ATP8B3: variants seen among roughly 807,000 people sequenced by gnomAD.
The protein encoded by ATP8B3 is phospholipid-transporting ATPase IK.
ATP8B3 carries 141 observed loss-of-function variants against 140.9 expected under a neutral mutation model. That is an observed-to-expected ratio of 1.00 (90% CI 0.87 to 1.15). ATP8B3 has a LOEUF of 1.15. Among genes scored for constraint, ATP8B3 ranks in the 50% most tolerant of loss-of-function variants. The pLI, the probability that ATP8B3 is intolerant of heterozygous loss-of-function variation, is 0.00. For synonymous variants in ATP8B3, 765 were observed against 714.6 expected (o/e 1.07, Z -1.13); for missense variants, 1,874 against 1,740.6 (o/e 1.08, Z -1.36).
intron 21 of ATP8B3, 25 bp downstream of exon 21, chr19:1,790,732 C>A (rs2068478931): frequency 1.3e-6 from 2 of 1,562,100 alleles, no homozygotes; most frequent in Non-Finnish European, 1.7e-6. Flanking sequence ...TCCCCTTGCT[C>A]ACCCCCCAAC....
intron 18 of ATP8B3, 27 bp downstream of exon 18, chr19:1,795,826 CACACACACACACACACACACAT>C (rs763090301): frequency 1.5e-6 from 2 of 1,297,306 alleles, no homozygotes; most frequent in Admixed American, 1.7e-5. Context: ...CACACACACA[CACACACACACACACACACACAT>C]AAGCCAGCCT....
At position 1,806,312 on chromosome 19, in the gene ATP8B3, G is replaced by C; in HGVS notation, c.678-143C>G. The C allele has an allele frequency of 6.8e-7, 1 of 1,480,874 alleles. No homozygotes were observed. Among genetic ancestry groups the C allele is most frequent in the Non-Finnish European group, 8.9e-7 (1 of 1,119,900 alleles). 91.7% of individuals were successfully genotyped at this position (1,480,874 alleles called of 1,614,324 possible). On this transcript the variant is annotated intron_variant, in intron 7 of 28. Coordinates refer to ENST00000310127, the MANE Select transcript of ATP8B3 (RefSeq NM_138813.4). This position sits in a 1 kb window ranked among gnomAD's most constrained non-coding sequence, Gnocchi z 5.6. ...TTGCCCCCTCAGGAAGCCTTCCCCG[G>C]GCTCCCACCCCACTCCCCGCGGGTC...
chr19:1,797,046 C>T (rs751950449), intron 14 of ATP8B3, 41 bp from the exon 15 acceptor site: 1 of 1,612,392 alleles, frequency 6.2e-7, no homozygotes, highest in African/African-American at 1.3e-5. Flanking sequence ...TCCCACAGGC[C>T]CCCCATTCGG....
At position 1,789,907 on chromosome 19, in the gene ATP8B3, T is replaced by C. The variant is rs528865519; in HGVS notation, c.2461A>G (p.Ile821Val). The C allele has an allele frequency of 9.3e-6, 15 of 1,611,856 alleles. No homozygotes were observed. In the South Asian group the frequency reaches 1.5e-4, roughly 17 times the overall value. Residue 821 changes from isoleucine to valine, a missense_variant, in exon 22 of 29, where the codon ATT becomes GTT. Around this residue, in one of 3 missense-constraint regions of ATP8B3, gnomAD observed 840 missense variants for 760.9 expected, o/e 1.10. Coordinates refer to ENST00000310127, the MANE Select transcript of ATP8B3 (RefSeq NM_138813.4). ...ACACTGACCAGGAAGTCTCCGTTAA[T>C]GACCAAGGCCAGCTTGACCTGCGAC... ...SLSQVKLALVINGDFLDKLLV... is the reference protein window; with the variant it reads ...SLSQVKLALVVNGDFLDKLLV...
In ATP8B3 at chr19:1,805,377, G is replaced by A; in HGVS notation, c.901C>T (p.Gln301Ter). 6.4e-7 allele frequency: 1 copy of A among 1,563,586 alleles called. No individual in the cohort carries two copies. The highest frequency in any genetic ancestry group is 8.7e-7 in the Non-Finnish European group (1 of 1,151,832). ...CTCCCTGCTCAACGCCTCTCACCTT[G>A]AAAGGACGCCATCTTCTTTATAGTG... ...LATIKKMASF[Q>*]GTVTCEAPNS... The change falls in exon 10 of 29, where the codon CAA becomes TAA. Residue 301 changes from glutamine (Q) to a stop codon, truncating the protein, a stop_gained. Coordinates refer to ENST00000310127, the MANE Select transcript of ATP8B3 (RefSeq NM_138813.4). LOFTEE classifies it high-confidence loss of function. This position sits in a 1 kb window ranked among gnomAD's most constrained non-coding sequence, Gnocchi z 5.2.
chr19:1,789,306 C>A (rs1437428432), intron 23 of ATP8B3, 55 bp downstream of exon 23: 33 of 1,441,902 alleles, frequency 2.3e-5, no homozygotes, highest in Non-Finnish European at 2.9e-5. Context: ...CCACCGCCTC[C>A]GTCAGCCGCC....
chr19:1,799,888 C>T, intron 14 of ATP8B3, 59 bp downstream of exon 14: 1 of 1,491,306 alleles, frequency 6.7e-7, no homozygotes, highest in Non-Finnish European at 9.1e-7. Context: ...GGTTCTCAGG[C>T]ACCCTGAGCC....
Position 1,789,737 on chromosome 19 carries a change from G to T in ATP8B3, c.2479-10C>A. ...ACACCAGCAGTTTGTCCTGGCCGGC[G>T]GGGAGGGGGCTGTGCCAGGCGCCGT... is the stretch of plus-strand genomic sequence containing the variant. On this transcript the variant is annotated splice_polypyrimidine_tract_variant and intron_variant, in intron 22 of 28. Transcript: ENST00000310127. 1 of 1,550,670 alleles carries T rather than the reference G, an allele frequency of 6.4e-7. No individual in the cohort carries two copies.
At chr19:1,796,564 G>A (rs960343572) in intron 16 of ATP8B3, 147 bp downstream of exon 16, 5 of 1,089,068 alleles carry the variant, frequency 4.6e-6, no homozygotes, top group Non-Finnish European at 6.4e-6. Context: ...GGACGCCCTC[G>A]AGGTGCGGCT....
Position 1,788,759 on chromosome 19 carries a change from C to T in ATP8B3, c.3069+138G>A, listed in dbSNP as rs2068384776. 13 of 804,874 alleles carry T rather than the reference C, an allele frequency of 1.6e-5. 1 individual carries two copies. The South Asian group carries it at 2.2e-4, about 13-fold the overall frequency. 49.9% of individuals were successfully genotyped at this position (804,874 alleles called of 1,614,324 possible). ...CTAGGCCTCCACTAACGCAGCCTTG[C>T]CATGTGGCCTCAGGCAAGCCCTGTC... On this transcript the variant is annotated intron_variant, in intron 24 of 28. Coordinates refer to ENST00000310127, the MANE Select transcript of ATP8B3 (RefSeq NM_138813.4).
chr19:1,790,233 T>C, intron 21 of ATP8B3, among the ~76,000 whole-genome samples: 1 of 50,812 alleles, frequency 2.0e-5, no homozygotes, highest in Non-Finnish European at 3.7e-5. Context: ...CTCTGCCTCC[T>C]CTCTCCTCCC....
chr19:1,809,875 T>A, intron 3 of ATP8B3, 141 bp from the exon 4 acceptor site: 1 of 745,532 alleles, frequency 1.3e-6, no homozygotes, highest in Non-Finnish European at 2.2e-6. Context: ...AAACAGACAG[T>A]CGGGCAGCAG....
intron 24 of ATP8B3, 67 bp from the exon 25 acceptor site, chr19:1,787,253 G>A: frequency 7.2e-7 from 1 of 1,392,690 alleles, no homozygotes; most frequent in East Asian, 2.4e-5. Flanking sequence ...CTGCCAAGCA[G>A]GCACCCAGGG....
Position 1,807,505 on chromosome 19 carries a change from C to T in ATP8B3, c.517-239G>A, listed in dbSNP as rs1306897941. Among the ~76,000 whole-genome samples the T allele has an allele frequency of 1.3e-5, 2 of 152,158 alleles. No individual in the cohort carries two copies. Among genetic ancestry groups the T allele is most frequent in the African/African-American group, 2.4e-5 (1 of 41,446 alleles). On this transcript the variant is annotated intron_variant, in intron 5 of 28. Transcript: ENST00000310127. This position sits in a 1 kb window ranked among gnomAD's most constrained non-coding sequence, Gnocchi z 5.9. ...CCCCAGCAAACTCCCCTTCTCCCGT[C>T]CAAGCCCAGCTCCCACGGTGCCTTC...
chr19:1,788,970 T>C lies in ATP8B3; in HGVS notation c.2996A>G (p.Tyr999Cys), dbSNP rs540694380. 1.2e-5 allele frequency: 20 copies of C among 1,609,930 alleles called. No homozygotes were observed. The highest frequency in any genetic ancestry group is 1.1e-4 in the East Asian group (5 of 44,762). The change falls in exon 24 of 29, where the codon TAC becomes TGC. Residue 999 changes from tyrosine to cysteine, a missense_variant. This residue lies in a region of ATP8B3 where 840 missense variants were observed against 760.9 expected (regional missense o/e 1.10). Transcript: ENST00000310127. The stretch of plus-strand genomic sequence containing the variant: ...GCTGGCCATGCTCTTGTAGAAGAAG[T>C]AGCGCAGGAACTTGCAGATCCGCAC... ...SYVRICKFLR[Y>C]FFYKSMASMM...
Position 1,782,920 on chromosome 19 carries a change from C to T in ATP8B3, c.*108G>A, listed in dbSNP as rs2068198280. 5.8e-6 allele frequency: 8 copies of T among 1,386,456 alleles called. No homozygotes were observed. Among genetic ancestry groups the T allele is most frequent in the African/African-American group, 1.5e-5 (1 of 68,876 alleles). 85.9% of individuals were successfully genotyped at this position (1,386,456 alleles called of 1,614,324 possible). On this transcript the variant is annotated 3_prime_UTR_variant, in exon 29 of 29. Transcript: ENST00000310127. ...CTGGATGAAGAGCGGATTGTCTATC[C>T]ATAGAAAATGATGAGCTAGGTGTAG...
Position 1,783,152 on chromosome 19 carries a change from T to C in ATP8B3, c.3779A>G (p.Tyr1260Cys). The change falls in exon 29 of 29, where the codon TAT (tyrosine) becomes TGT (cysteine). Residue 1260 changes from tyrosine to cysteine, a missense_variant. This residue lies in a region of ATP8B3 where 840 missense variants were observed against 760.9 expected (regional missense o/e 1.10). Transcript: ENST00000310127. Reference sequence around the variant, plus strand: ...TGTGCCCTGAGTGATGAGGTTTGCATATCCCTCACGGTGGGAGAAAGCATA... The same window carrying C: ...TGTGCCCTGAGTGATGAGGTTTGCACATCCCTCACGGTGGGAGAAAGCATA... ...SSYAFSHREGYANLITQGTIL... is the reference protein window; with the variant it reads ...SSYAFSHREGCANLITQGTIL... The C allele has an allele frequency of 6.2e-7, 1 of 1,613,696 alleles. No individual in the cohort carries two copies.
At chr19:1,796,314 C>T (rs1600434637) in intron 16 of ATP8B3, 49 bp from the exon 17 acceptor site, 1 of 1,496,476 alleles carries the variant, frequency 6.7e-7, no homozygotes, top group South Asian at 1.2e-5. Context: ...AGCCCGTCTC[C>T]ATCTCCACAG....
In ATP8B3 at chr19:1,796,849, C is replaced by T. The variant is rs778157707; in HGVS notation, c.1615G>A (p.Asp539Asn). ...GCATTGTGGAAGAGCAGCTTCCCGT[C>T]GGCGAACTTGTTCCAGAGGTAGGGG... ...ENPYLWNKFA[D>N]GKLLFHNAAL... Residue 539 changes from aspartate to asparagine, a missense_variant, in exon 16 of 29, where the codon GAC (aspartate) becomes AAC (asparagine). Transcript: ENST00000310127. The T allele has an allele frequency of 2.6e-5, 42 of 1,612,220 alleles. No individual in the cohort carries two copies. Among genetic ancestry groups the T allele is most frequent in the South Asian group, 5.5e-5 (5 of 91,062 alleles).
Sources: allele counts gnomAD v4.1 joint callset (sites outside exome capture counted in the v4.1 genomes callset), GRCh38; gene constraint gnomAD v4.1.1; regional missense constraint gnomAD v4.1.1; non-coding constraint Gnocchi (gnomAD v3.1); transcripts MANE v1.5; gene names NCBI Gene and HGNC (gene_info 2026-07-23, HGNC 2026-07-21).